Variants in GATAD2B observed in about 807,000 individuals in gnomAD.
GATAD2B encodes the protein transcriptional repressor p66-beta.
A neutral mutation model predicts 64.3 loss-of-function variants in GATAD2B; 8 were observed. That is an observed-to-expected ratio of 0.12 (90% CI 0.07 to 0.22). The LOEUF is 0.22. Ranked by LOEUF, GATAD2B falls within the 10% of genes least tolerant of loss-of-function variation. GATAD2B has a pLI of 1.00. For missense variants in GATAD2B, 453 were observed against 752.0 expected (o/e 0.60, Z 4.65); for synonymous variants, 281 against 271.3 (o/e 1.04, Z -0.35).
chr1:153,817,312 A>G, intron 6 of GATAD2B, 60 bp downstream of exon 6: 1 of 1,437,652 alleles, frequency 7.0e-7, no homozygotes, highest in Non-Finnish European at 9.2e-7. Flanking sequence ...GGCCCTTTCG[A>G]CAAGCAAAGC....
intron 1 of GATAD2B, among the ~76,000 whole-genome samples, chr1:153,893,049 A>G (rs900384990): frequency 1.3e-5 from 2 of 152,120 alleles, no homozygotes; most frequent in African/African-American, 4.8e-5. Context: ...GGAGTGGATC[A>G]AGTTCTGTGA....
At chr1:153,844,164 T>C (rs1445961568) in intron 1 of GATAD2B, among the ~76,000 whole-genome samples, 1 of 151,858 alleles carries the variant, frequency 6.6e-6, no homozygotes, top group African/African-American at 2.4e-5. Context: ...ACTGAGGATA[T>C]CAGAGTGCTG....
intron 1 of GATAD2B, 65 bp from the exon 2 acceptor site, chr1:153,828,413 G>A: frequency 1.7e-6 from 2 of 1,171,760 alleles, no homozygotes; most frequent in Non-Finnish European, 2.4e-6. Context: ...TTTTAAAAAG[G>A]TGGAATGGTG....
intron 1 of GATAD2B, among the ~76,000 whole-genome samples, chr1:153,904,524 T>G (rs1467738575): frequency 6.6e-6 from 1 of 152,118 alleles, no homozygotes; most frequent in African/African-American, 2.4e-5. Context: ...CAAAGATGTA[T>G]GGAGCAACAT....
chr1:153,852,506 G>C (rs574618607), intron 1 of GATAD2B: 36 of 764,896 alleles, frequency 4.7e-5, no homozygotes, highest in Non-Finnish European at 8.1e-5. Flanking sequence ...GCTCTGCACA[G>C]TGGGACTCAT....
intron 1 of GATAD2B, among the ~76,000 whole-genome samples, chr1:153,900,088 C>A (rs1183307668): frequency 6.6e-6 from 1 of 152,068 alleles, no homozygotes; most frequent in Non-Finnish European, 1.5e-5. Context: ...AAACAATGAG[C>A]TGCAAATGTC....
At chr1:153,833,283 T>A (rs1675142885) in intron 1 of GATAD2B, among the ~76,000 whole-genome samples, 2 of 152,132 alleles carry the variant, frequency 1.3e-5, no homozygotes, top group African/African-American at 2.4e-5. Flanking sequence ...AACAACGACG[T>A]CTGGATGACA....
intron 1 of GATAD2B, among the ~76,000 whole-genome samples, chr1:153,908,980 T>C (rs891910267): frequency 4.6e-5 from 7 of 151,634 alleles, no homozygotes; most frequent in Admixed American, 2.0e-4. Context: ...GTAGGAGGAC[T>C]GCTTGAGCCC....
chr1:153,853,072 C>T, intron 1 of GATAD2B: 5 of 1,511,062 alleles, frequency 3.3e-6, no homozygotes, highest in East Asian at 2.3e-5. Flanking sequence ...TCTTTTGCCC[C>T]AGTCACAGCA....
At chr1:153,815,284 A>AC (rs1557780221) in intron 7 of GATAD2B, among the ~76,000 whole-genome samples, 10 of 144,298 alleles carry the variant, frequency 6.9e-5, no homozygotes, top group Non-Finnish European at 1.2e-4. Context: ...AAAAAACAAA[A>AC]AAAAAAAACA....
chr1:153,844,612 G>A (rs1675616803), intron 1 of GATAD2B, among the ~76,000 whole-genome samples: 1 of 151,692 alleles, frequency 6.6e-6, no homozygotes. Flanking sequence ...ATCCTTTGTA[G>A]GGACATGGAT....
At position 153,861,781 on chromosome 1, in the gene GATAD2B, C is replaced by CAAAAAAA. The variant is rs869141712; in HGVS notation, c.-1-33440_-1-33434dup. On this transcript the variant is annotated intron_variant, in intron 1 of 10. Transcript: ENST00000368655. ...TGGGCAACAGAGCGAGACTCCATTTCAAAAAAAAAAAAAAATATATATATA... is the reference window on the plus strand; with the variant it reads ...TGGGCAACAGAGCGAGACTCCATTTCAAAAAAAAAAAAAAAAAAAAAATATATATATA... 9.5e-3 allele frequency among the ~76,000 whole-genome samples: 809 copies of CAAAAAAA among 85,386 alleles called. 21 individuals carry two copies. The highest frequency in any genetic ancestry group is 0.032 in the African/African-American group (749 of 23,080). 56.0% of individuals were successfully genotyped at this position (85,386 alleles called of 152,430 possible).
rs1198554444 is a variant in GATAD2B, at chr1:153,816,764, T to C, written c.901-176A>G. Among the ~76,000 whole-genome samples, 3 of 152,172 alleles carry C rather than the reference T, an allele frequency of 2.0e-5. No homozygotes were observed. Among genetic ancestry groups the C allele is most frequent in the African/African-American group, 4.8e-5 (2 of 41,426 alleles). ...TCTGACACATAGGAAAGGAGAATGA[T>C]GATGACCATGAGCTAACATTGCTAA... On this transcript the variant is annotated intron_variant, in intron 6 of 10. Transcript: ENST00000368655. This position sits in a 1 kb window ranked among gnomAD's most constrained non-coding sequence, Gnocchi z 4.9.
chr1:153,908,415 G>C (rs1678011498), intron 1 of GATAD2B, among the ~76,000 whole-genome samples: 1 of 151,650 alleles, frequency 6.6e-6, no homozygotes. Flanking sequence ...TTAAGTAAAA[G>C]ATCTTACAAC....
chr1:153,845,401 A>G (rs2101905247), intron 1 of GATAD2B, among the ~76,000 whole-genome samples: 1 of 151,414 alleles, frequency 6.6e-6, no homozygotes, highest in Middle Eastern at 3.4e-3. Flanking sequence ...AGAAAAAAAA[A>G]AAAATTCCAG....
At chr1:153,882,880 T>TA (rs1677050028) in intron 1 of GATAD2B, among the ~76,000 whole-genome samples, 1 of 152,164 alleles carries the variant, frequency 6.6e-6, no homozygotes, top group Non-Finnish European at 1.5e-5. Context: ...AAAGTGCTGA[T>TA]ATGGGGTCAG....
rs991372060 is a variant in GATAD2B, at chr1:153,852,727, T to C, written c.-1-24379A>G. 1.2e-5 allele frequency: 11 copies of C among 936,238 alleles called. No individual in the cohort carries two copies. In the African/African-American group the frequency reaches 1.6e-4, roughly 14 times the overall value. The allele number at this position is 936,238 out of a possible 1,614,324, so 58.0% of individuals were successfully genotyped here. ...AGAGCCTGCTCATACGAAGTGAAGC[T>C]TGGTAGACAGGGAGTGAAGCTTGGT... On this transcript the variant is annotated intron_variant, in intron 1 of 10. Coordinates refer to ENST00000368655, the MANE Select transcript of GATAD2B (RefSeq NM_020699.4).
In GATAD2B at chr1:153,810,362, T is replaced by C. The variant is rs375027033; in HGVS notation, c.1649-52A>G. 2.3e-4 allele frequency: 359 copies of C among 1,581,754 alleles called. 1 individual carries two copies. The highest frequency in any genetic ancestry group is 3.8e-4 in the Admixed American group (22 of 58,080). On this transcript the variant is annotated intron_variant, in intron 10 of 10. Transcript: ENST00000368655. ...GCAGGTATTAAAAGAGGAAATAACA[T>C]TCCCTTCCACTCTACCCTCGGGCTG...
chr1:153,862,324 T>C (rs1043553501), intron 1 of GATAD2B, among the ~76,000 whole-genome samples: 5 of 151,958 alleles, frequency 3.3e-5, no homozygotes, highest in African/African-American at 1.2e-4. Flanking sequence ...GGTTTCACCA[T>C]GTTGGCCAGA....
Sources: allele counts gnomAD v4.1 joint callset (sites outside exome capture counted in the v4.1 genomes callset), GRCh38; gene constraint gnomAD v4.1.1; non-coding constraint Gnocchi (gnomAD v3.1); transcripts MANE v1.5; gene names NCBI Gene and HGNC (gene_info 2026-07-23, HGNC 2026-07-21).